CHRNB4: variants seen among roughly 807,000 people sequenced by gnomAD.
The protein encoded by CHRNB4 is cholinergic receptor nicotinic beta 4 subunit, also known as neuronal acetylcholine receptor subunit beta-4.
Under a neutral mutation model 40.4 loss-of-function variants are expected in CHRNB4, and 23 were observed. The observed-to-expected ratio is 0.57, with a 90% CI of 0.41 to 0.81. CHRNB4 has a LOEUF of 0.81. Among genes scored for constraint, CHRNB4 ranks in the 30% least tolerant of loss-of-function variants. CHRNB4 has a pLI of 0.00. For missense variants in CHRNB4, 568 were observed against 670.6 expected (o/e 0.85, Z 1.69); for synonymous variants, 285 against 274.4 (o/e 1.04, Z -0.38).
intron 2 of CHRNB4, chr15:78,658,163 T>G (rs1208222666): frequency 1.3e-5 from 2 of 151,466 alleles, no homozygotes; most frequent in Admixed American, 1.3e-4. Context: ...CCCGAGTAGC[T>G]GAGATTACAG....
intron 4 of CHRNB4, among the ~76,000 whole-genome samples, 157 bp from the exon 5 acceptor site, chr15:78,630,102 C>T (rs1312136032): frequency 6.6e-6 from 1 of 151,600 alleles, no homozygotes; most frequent in African/African-American, 2.4e-5. Flanking sequence ...CTTTTGTTAG[C>T]AACTATGTGG....
At chr15:78,647,884 A>AGTGGATATCTTATTGTTATTTTG in intron 7 of CHRNB4, among the ~76,000 whole-genome samples, 1 of 149,800 alleles carries the variant, frequency 6.7e-6, no homozygotes, top group Non-Finnish European at 1.5e-5. Flanking sequence ...AAAAAAAAAA[A>AGTGGATATCTTATTGTTATTTTG]AGAGATTCTA....
chr15:78,652,997 C>T lies in CHRNB4; in HGVS notation c.-109-326G>A, dbSNP rs374135921. On this transcript the variant is annotated intron_variant and NMD_transcript_variant, in intron 5 of 11. Coordinates refer to the CHRNB4 transcript ENST00000559849. ...AGTTATCTCACATTTTTGAGGCTTGCTTTTTCCATCTATAAAAAGAGGGTG... is the reference window on the plus strand; with the variant it reads ...AGTTATCTCACATTTTTGAGGCTTGTTTTTTCCATCTATAAAAAGAGGGTG... Among the ~76,000 whole-genome samples the T allele has an allele frequency of 7.9e-5, 12 of 152,244 alleles. No homozygotes were observed. The East Asian group carries it at 1.4e-3, about 17-fold the overall frequency.
intron 5 of CHRNB4, chr15:78,655,438 ATATCTATATC>A (rs1316903079): frequency 6.9e-6 from 1 of 145,700 alleles, no homozygotes; most frequent in Non-Finnish European, 1.5e-5. Context: ...ATATCTATAT[ATATCTATATC>A]TATATATATC....
intron 2 of CHRNB4, among the ~76,000 whole-genome samples, chr15:78,634,308 GGCAGCAGCTGCACC>G (rs1435467375): frequency 2.0e-5 from 3 of 152,184 alleles, no homozygotes; most frequent in Non-Finnish European, 2.9e-5. Context: ...CCCTCACTAG[GGCAGCAGCTGCACC>G]GCAGCAGCTG....
At chr15:78,628,838 T>C in intron 5 of CHRNB4, 129 bp downstream of exon 5, 1 of 1,185,154 alleles carries the variant, frequency 8.4e-7, no homozygotes, top group Admixed American at 2.7e-5. Context: ...CTCATTTCAA[T>C]TTTGGATTCC....
At chr15:78,661,443 C>G (rs17487514), upstream of CHRNB4, 1 of 509,784 alleles carries the variant, frequency 2.0e-6, no homozygotes, top group Admixed American at 2.4e-5. Context: ...CCGGTTGGTG[C>G]GACTCATAAA....
chr15:78,639,987 A>G (rs2054035696), intron 1 of CHRNB4, among the ~76,000 whole-genome samples: 1 of 152,202 alleles, frequency 6.6e-6, no homozygotes, highest in South Asian at 2.1e-4. Flanking sequence ...ACCTCTTTAT[A>G]GGAGTAGTAC....
chr15:78,652,992 G>A (rs1057035532), intron 5 of CHRNB4, among the ~76,000 whole-genome samples: 2 of 152,118 alleles, frequency 1.3e-5, no homozygotes, highest in Non-Finnish European at 2.9e-5. Flanking sequence ...CATTTTTGAG[G>A]CTTGCTTTTT....
chr15:78,645,140 A>G (rs2054112549), upstream of CHRNB4, among the ~76,000 whole-genome samples: 1 of 152,156 alleles, frequency 6.6e-6, no homozygotes, highest in African/African-American at 2.4e-5. Flanking sequence ...ATACTGGGCC[A>G]TTGTCCGTCT....
At chr15:78,641,600 G>A (rs2141400925), upstream of CHRNB4, among the ~76,000 whole-genome samples, 1 of 152,350 alleles carries the variant, frequency 6.6e-6, no homozygotes, top group South Asian at 2.1e-4. Context: ...CATTCGCATG[G>A]GGTTTGCTGA....
At chr15:78,660,789 C>T (rs4887075), upstream of CHRNB4, 209,503 of 233,418 alleles carry the variant, frequency 0.9, 94,295 homozygotes, top group Middle Eastern at 0.95. Context: ...GCCCTACTCC[C>T]GAGGTCAGGC....
At chr15:78,653,077 G>A (rs2054186373) in intron 5 of CHRNB4, among the ~76,000 whole-genome samples, 2 of 152,048 alleles carry the variant, frequency 1.3e-5, no homozygotes, top group African/African-American at 4.8e-5. Flanking sequence ...GATAATGAAA[G>A]CCTCAGCAGA....
intron 2 of CHRNB4, among the ~76,000 whole-genome samples, chr15:78,658,031 T>C (rs1445411643): frequency 7.5e-6 from 1 of 132,718 alleles, no homozygotes; most frequent in East Asian, 2.2e-4. Context: ...TGTTTCTCTT[T>C]TTTTTTTTTT....
chr15:78,628,793 C>T lies in CHRNB4; in HGVS notation c.1338+174G>A, dbSNP rs531872537. Among the ~76,000 whole-genome samples the T allele has an allele frequency of 4.6e-5, 7 of 152,338 alleles. 1 individual carries two copies. The South Asian group carries it at 1.0e-3, about 23-fold the overall frequency. On this transcript the variant is annotated intron_variant, in intron 5 of 5. Coordinates refer to ENST00000261751, the MANE Select transcript of CHRNB4 (RefSeq NM_000750.5). ...TAAATCACTGGCACGTCCTTCCTCT[C>T]CCCGGATGCATGAAGCTATAATATT...
intron 2 of CHRNB4, among the ~76,000 whole-genome samples, chr15:78,631,777 C>T (rs954315248): frequency 3.3e-5 from 5 of 152,156 alleles, no homozygotes; most frequent in African/African-American, 4.8e-5. Flanking sequence ...CTATTCTCTA[C>T]ATGGTAGCCA....
rs190930429 is a variant in CHRNB4, at chr15:78,638,699, C to T, written c.55+2380G>A. Among the ~76,000 whole-genome samples, 71 of 152,338 alleles carry T rather than the reference C, an allele frequency of 4.7e-4. 1 individual carries two copies. Among genetic ancestry groups the T allele is most frequent in the Non-Finnish European group, 8.4e-4 (57 of 68,034 alleles). ...GGGGACTGGAATGCACCCCACTTGCCCCCCAAAAAGGGGCGACGGAGCCCA... is the reference window on the plus strand; with the variant it reads ...GGGGACTGGAATGCACCCCACTTGCTCCCCAAAAAGGGGCGACGGAGCCCA... On this transcript the variant is annotated intron_variant, in intron 1 of 5. Coordinates refer to ENST00000261751, the MANE Select transcript of CHRNB4 (RefSeq NM_000750.5).
At chr15:78,661,454 C>A, upstream of CHRNB4, 1 of 512,636 alleles carries the variant, frequency 2.0e-6, no homozygotes, top group Admixed American at 2.3e-5. Context: ...GACTCATAAA[C>A]AGCCTCTTCA....
chr15:78,635,871 T>C (rs900603981), intron 1 of CHRNB4, among the ~76,000 whole-genome samples: 2 of 152,202 alleles, frequency 1.3e-5, no homozygotes, highest in Admixed American at 1.3e-4. Flanking sequence ...GTGTCTCTTC[T>C]TGACCTCTCC....
Sources: allele counts gnomAD v4.1 joint callset (sites outside exome capture counted in the v4.1 genomes callset), GRCh38; gene constraint gnomAD v4.1.1; transcripts MANE v1.5; gene names NCBI Gene and HGNC (gene_info 2026-07-23, HGNC 2026-07-21).